NDST4: variants seen among roughly 807,000 people sequenced by gnomAD.
NDST4 encodes N-deacetylase and N-sulfotransferase 4.
A neutral mutation model predicts 100.8 loss-of-function variants in NDST4; 63 were observed. The ratio of observed to expected loss-of-function variants is 0.62; its 90% CI spans 0.51 to 0.77. The LOEUF (loss-of-function observed/expected upper bound fraction) is 0.77, where lower values mean the gene tolerates loss of function less well. Among genes scored for constraint, NDST4 ranks in the 30% least tolerant of loss-of-function variants. The pLI is 0.00. For missense variants in NDST4, 943 were observed against 1,018.4 expected (o/e 0.93, Z 1.01); for synonymous variants, 377 against 361.8 (o/e 1.04, Z -0.48).
rs112201161 is a variant in NDST4, at chr4:115,019,595, G to A, written c.979-42321C>T. On this transcript the variant is annotated intron_variant, in intron 2 of 13. Transcript: ENST00000264363. ...AGAATGTCATGAAACTTATGAAGTCGTCGGGGCATAAAATGTAAAAGTTTT... is the reference window on the plus strand; with the variant it reads ...AGAATGTCATGAAACTTATGAAGTCATCGGGGCATAAAATGTAAAAGTTTT... Among the ~76,000 whole-genome samples the A allele has an allele frequency of 6.6e-3, 1,008 of 152,204 alleles. 14 individuals carry two copies. Among genetic ancestry groups the A allele is most frequent in the African/African-American group, 0.023 (942 of 41,566 alleles).
intron 3 of NDST4, among the ~76,000 whole-genome samples, chr4:114,972,849 T>G (rs1726544584): frequency 6.6e-6 from 1 of 151,992 alleles, no homozygotes; most frequent in Admixed American, 6.6e-5. Context: ...TAAAGAAAAT[T>G]TTGTGGACTA....
intron 2 of NDST4, among the ~76,000 whole-genome samples, chr4:114,986,845 A>G (rs1427876044): frequency 1.1e-5 from 1 of 93,336 alleles, no homozygotes; most frequent in African/African-American, 4.3e-5. Context: ...TTAATATACT[A>G]TTCCTATAAG....
At chr4:115,035,678 C>G (rs1728217491) in intron 2 of NDST4, among the ~76,000 whole-genome samples, 1 of 151,886 alleles carries the variant, frequency 6.6e-6, no homozygotes, top group Non-Finnish European at 1.5e-5. Context: ...ATTCAGTTGA[C>G]TTTTATTCTA....
At chr4:115,063,329 T>C (rs1003630577) in intron 2 of NDST4, among the ~76,000 whole-genome samples, 4 of 151,942 alleles carry the variant, frequency 2.6e-5, no homozygotes, top group Admixed American at 6.6e-5. Context: ...ACATGAATAA[T>C]GATGAGTTGA....
chr4:115,094,120 TAAA>T (rs894271005), intron 1 of NDST4, among the ~76,000 whole-genome samples: 14 of 151,910 alleles, frequency 9.2e-5, no homozygotes, highest in African/African-American at 2.9e-4. Flanking sequence ...GTTAAAAAAA[TAAA>T]AGAAAATTAT....
intron 4 of NDST4, among the ~76,000 whole-genome samples, chr4:114,947,754 A>G (rs1725897216): frequency 6.6e-6 from 1 of 151,652 alleles, no homozygotes; most frequent in African/African-American, 2.4e-5. Context: ...GTCTTAAGTA[A>G]CGACTACATG....
At position 115,022,339 on chromosome 4, in the gene NDST4, A is replaced by ATATATATGTGTTC. The variant is rs1727856363; in HGVS notation, c.979-45066_979-45065insGAACACATATATA. Among the ~76,000 whole-genome samples, 2 of 140,134 alleles carry ATATATATGTGTTC rather than the reference A, an allele frequency of 1.4e-5. 1 individual carries two copies. Among genetic ancestry groups the ATATATATGTGTTC allele is most frequent in the African/African-American group, 5.5e-5 (2 of 36,084 alleles). The allele number at this position is 140,134 out of a possible 152,430, so 91.9% of individuals were successfully genotyped here. A position where few individuals can be genotyped will look rare whatever the true frequency, so the allele number is the denominator to read the frequency against. Reference sequence around the variant, plus strand: ...TGTGTTCCACATACATATGTGTTCCACGTACATATGTGTTCCACGTACATA... The same window carrying ATATATATGTGTTC: ...TGTGTTCCACATACATATGTGTTCCATATATATGTGTTCCGTACATATGTGTTCCACGTACATA... On this transcript the variant is annotated intron_variant, in intron 2 of 13. Coordinates refer to ENST00000264363, the MANE Select transcript of NDST4 (RefSeq NM_022569.3).
rs146208662 is a variant in NDST4, at chr4:115,049,951, C to T, written c.978+26108G>A. Reference sequence around the variant, plus strand: ...ATTACCCTCCTTTTACAGATGAAGACCTAGCAATATTAATGAGAGGGTATT... The same window carrying T: ...ATTACCCTCCTTTTACAGATGAAGATCTAGCAATATTAATGAGAGGGTATT... On this transcript the variant is annotated intron_variant, in intron 2 of 13. Coordinates refer to ENST00000264363, the MANE Select transcript of NDST4 (RefSeq NM_022569.3). Among the ~76,000 whole-genome samples the T allele has an allele frequency of 1.3e-3, 204 of 152,210 alleles. 1 individual carries two copies. Among genetic ancestry groups the T allele is most frequent in the Admixed American group, 9.2e-3 (140 of 15,278 alleles).
In NDST4 at chr4:114,897,560, G is replaced by A. The variant is rs146202930; in HGVS notation, c.1537-26610C>T. ...ACATTGGTGTGCACAATTTTGTGTGGACAAAAATTTTCAGCTTTCACTGGT... is the reference window on the plus strand; with the variant it reads ...ACATTGGTGTGCACAATTTTGTGTGAACAAAAATTTTCAGCTTTCACTGGT... On this transcript the variant is annotated intron_variant, in intron 6 of 13. Transcript: ENST00000264363. 4.6e-3 allele frequency among the ~76,000 whole-genome samples: 693 copies of A among 152,232 alleles called. 2 individuals carry two copies. Among genetic ancestry groups the A allele is most frequent in the Non-Finnish European group, 6.5e-3 (443 of 68,006 alleles).
At chr4:114,979,310 C>T (rs1272648247) in intron 2 of NDST4, among the ~76,000 whole-genome samples, 1 of 151,276 alleles carries the variant, frequency 6.6e-6, no homozygotes. Flanking sequence ...TTTATTGCAT[C>T]CATGCTCTAT....
At chr4:114,946,978 T>G (rs1725880602) in intron 4 of NDST4, among the ~76,000 whole-genome samples, 1 of 152,010 alleles carries the variant, frequency 6.6e-6, no homozygotes, top group Non-Finnish European at 1.5e-5. Flanking sequence ...TTTTTGTTGG[T>G]CGATTTTTTT....
intron 6 of NDST4, among the ~76,000 whole-genome samples, chr4:114,893,268 G>C (rs1449204757): frequency 2.0e-5 from 3 of 152,154 alleles, no homozygotes; most frequent in Non-Finnish European, 4.4e-5. Flanking sequence ...CCAGTAATGG[G>C]ATTGCTGGGT....
intron 11 of NDST4, 78 bp from the exon 12 acceptor site, chr4:114,833,793 T>G: frequency 1.2e-6 from 1 of 844,782 alleles, no homozygotes; most frequent in Non-Finnish European, 1.9e-6. Flanking sequence ...TTACCTGGTG[T>G]GACATTCATA....
intron 4 of NDST4, among the ~76,000 whole-genome samples, chr4:114,962,762 C>A (rs1726292989): frequency 6.6e-6 from 1 of 152,054 alleles, no homozygotes; most frequent in South Asian, 2.1e-4. Context: ...TGACTGCTAT[C>A]ACTGTCAAAA....
rs758132779 is a variant in NDST4, at chr4:115,076,300, G to T, written c.737C>A (p.Ser246Tyr). 1.9e-6 allele frequency: 3 copies of T among 1,613,984 alleles called. No homozygotes were observed. Among genetic ancestry groups the T allele is most frequent in the Non-Finnish European group, 2.5e-6 (3 of 1,179,926 alleles). Residue 246 changes from serine (S) to tyrosine (Y), a missense_variant, in exon 2 of 14, where the codon TCC becomes TAC. Coordinates refer to ENST00000264363, the MANE Select transcript of NDST4 (RefSeq NM_022569.3). ...TGCAAAGAGTGTTTTGCTAGACAAG[G>T]ATGACAGGGATTTTTCTGTCTGTAA... The part of the protein sequence containing the change: ...TELQTEKSLS[S>Y]LSSKTLFATV...
rs2126289609 is a variant in NDST4 at position 115,076,153 on chromosome 4, C to T, written c.884G>A (p.Arg295Lys). 2 of 1,613,966 alleles carry T rather than the reference C, an allele frequency of 1.2e-6. No homozygotes were observed. Among genetic ancestry groups the T allele is most frequent in the East Asian group, 2.2e-5 (1 of 44,810 alleles). ...IDAISFLSGKRLTLSLDRYIL... is the reference protein window; with the variant it reads ...IDAISFLSGKKLTLSLDRYIL... Reference sequence around the variant, plus strand: ...GTACCTGTCCAAGGACAATGTCAGCCTCTTCCCTGACAAGAAGGAGATGGC... The same window carrying T: ...GTACCTGTCCAAGGACAATGTCAGCTTCTTCCCTGACAAGAAGGAGATGGC... The change falls in exon 2 of 14, where the codon AGG (arginine) becomes AAG (lysine). Residue 295 changes from arginine (R) to lysine (K), a missense_variant. Arg to Lys is a conservative substitution (Grantham distance 26). Coordinates refer to ENST00000264363, the MANE Select transcript of NDST4 (RefSeq NM_022569.3).
intron 4 of NDST4, among the ~76,000 whole-genome samples, chr4:114,957,262 C>T (rs993575290): frequency 6.6e-6 from 1 of 152,208 alleles, no homozygotes; most frequent in African/African-American, 2.4e-5. Flanking sequence ...CACAGTTCCA[C>T]ATGGCTGGGG....
intron 3 of NDST4, among the ~76,000 whole-genome samples, chr4:114,975,295 T>C (rs909003525): frequency 1.3e-5 from 2 of 152,154 alleles, no homozygotes; most frequent in East Asian, 1.9e-4. Context: ...GACATATTTA[T>C]GTGAAAGAAA....
chr4:114,869,324 T>C (rs542509349), intron 7 of NDST4, among the ~76,000 whole-genome samples: 6 of 152,090 alleles, frequency 3.9e-5, no homozygotes, highest in South Asian at 2.1e-4. Context: ...TCTTTCTATG[T>C]AAGCTGTCTA....
Sources: gnomAD v4.1 joint callset for allele counts (sites outside exome capture counted in the v4.1 genomes callset) on GRCh38, gnomAD v4.1.1 for gene constraint, MANE v1.5 for transcripts, NCBI Gene and HGNC (gene_info 2026-07-23, HGNC 2026-07-21) for gene names.